The following GLRA2 variants were observed in gnomAD, a reference collection of about 807,000 sequenced individuals.
GLRA2 encodes glycine receptor alpha 2.
In GLRA2, 11 loss-of-function variants were observed where a neutral mutation model predicts 31.6. The ratio of observed to expected loss-of-function variants is 0.35; its 90% CI spans 0.22 to 0.58. The LOEUF is 0.58. GLRA2 is among the 20% of genes least tolerant of loss of function. The pLI is 0.84. For synonymous variants in GLRA2, 132 were observed against 134.0 expected (o/e 0.99, Z 0.10); for missense variants, 212 against 351.8 (o/e 0.60, Z 3.18).
the GLRA2 span, among the ~76,000 whole-genome samples, chrX:14,502,781 T>C: frequency 1.8e-5 from 2 of 108,737 alleles, no homozygotes; most frequent in Non-Finnish European, 3.8e-5. Flanking sequence ...GTTTTCTCTG[T>C]AACGCATATC....
intron 8 of GLRA2, among the ~76,000 whole-genome samples, chrX:14,728,628 T>C (rs183418453): frequency 8.9e-6 from 1 of 111,877 alleles, no homozygotes; most frequent in East Asian, 2.8e-4. Flanking sequence ...TGTTCAGCCA[T>C]GTTTAGGGCT....
At chrX:14,565,649 G>A (rs374071177) in intron 2 of GLRA2, among the ~76,000 whole-genome samples, 4 of 111,490 alleles carry the variant, frequency 3.6e-5, no homozygotes, top group South Asian at 7.4e-4. Flanking sequence ...ATAATAAAAT[G>A]TATCTTTTCC....
intron 6 of GLRA2, among the ~76,000 whole-genome samples, chrX:14,607,867 A>G (rs1316675903): frequency 9.0e-6 from 1 of 111,182 alleles, no homozygotes; most frequent in Non-Finnish European, 1.9e-5. Flanking sequence ...TGGTGAAGGA[A>G]GAACTTGAGG....
intron 2 of GLRA2, among the ~76,000 whole-genome samples, chrX:14,563,275 G>T (rs1238770223): frequency 2.7e-5 from 3 of 112,081 alleles, no homozygotes; most frequent in Non-Finnish European, 5.6e-5. Flanking sequence ...TGTTTGCTTG[G>T]TTGGTTGGTT....
chrX:14,555,689 A>G (rs779209765), intron 2 of GLRA2, among the ~76,000 whole-genome samples: 10 of 112,425 alleles, frequency 8.9e-5, no homozygotes, highest in African/African-American at 3.2e-4. Context: ...GGTTTAGCTT[A>G]AACATTTGAT....
At chrX:14,465,629 G>T in the GLRA2 span, among the ~76,000 whole-genome samples, 70 of 112,174 alleles carry the variant, frequency 6.2e-4, no homozygotes, top group African/African-American at 2.2e-3. Flanking sequence ...CTGATATTCT[G>T]TCCTAGGTGT....
rs377037342 is a variant in GLRA2, at chrX:14,710,374, T to C, written c.1080+19515T>C. Among the ~76,000 whole-genome samples, 6 of 112,168 alleles carry C rather than the reference T, an allele frequency of 5.3e-5. No individual in the cohort carries two copies. The East Asian group carries it at 1.1e-3, about 21-fold the overall frequency. On this transcript the variant is annotated intron_variant, in intron 8 of 8. Transcript: ENST00000218075. ...ATATCATTGCTTGAAGCCTCTAGGC[T>C]ATCAAAACAATATAATAAAGACAGG...
At chrX:14,594,104 C>T (rs1168539613) in intron 4 of GLRA2, among the ~76,000 whole-genome samples, 1 of 111,938 alleles carries the variant, frequency 8.9e-6, no homozygotes, top group Non-Finnish European at 1.9e-5. Flanking sequence ...CAGTAAGTCT[C>T]CATCAGTTAC....
chrX:14,643,452 C>T (rs1025279494), intron 7 of GLRA2, among the ~76,000 whole-genome samples: 2 of 111,422 alleles, frequency 1.8e-5, no homozygotes, highest in Non-Finnish European at 3.8e-5. Flanking sequence ...AATTAAATGG[C>T]CTGAGAAATA....
At chrX:14,686,117 T>C (rs750189543) in intron 7 of GLRA2, among the ~76,000 whole-genome samples, 150 of 111,963 alleles carry the variant, frequency 1.3e-3, no homozygotes, top group Middle Eastern at 4.6e-3. Flanking sequence ...TGTAGTTGTG[T>C]AGTTTTGAGT....
the GLRA2 span, among the ~76,000 whole-genome samples, chrX:14,494,310 G>A: frequency 1.9e-4 from 21 of 111,664 alleles, no homozygotes; most frequent in South Asian, 5.3e-3. Flanking sequence ...TAGTACACTT[G>A]CTTTGTGTGC....
In GLRA2 at chrX:14,574,773, A is replaced by C. The variant is rs758079811; in HGVS notation, c.270+373A>C. The stretch of plus-strand genomic sequence containing the variant: ...GATCTTATATCTATCGTGCCAGAGA[A>C]ATTTTTAAAACATTTGATGTTTTAA... On this transcript the variant is annotated intron_variant, in intron 3 of 8. Transcript: ENST00000218075. Among the ~76,000 whole-genome samples the C allele has an allele frequency of 1.3e-3, 146 of 112,084 alleles. 1 individual carries two copies. The highest frequency in any genetic ancestry group is 4.7e-3 in the African/African-American group (144 of 30,875).
At chrX:14,647,745 G>A (rs1167840477) in intron 7 of GLRA2, among the ~76,000 whole-genome samples, 1 of 112,421 alleles carries the variant, frequency 8.9e-6, no homozygotes, top group Admixed American at 9.4e-5. Context: ...CATAAAAGTG[G>A]TGGCTTTTGA....
the GLRA2 span, among the ~76,000 whole-genome samples, chrX:14,507,686 A>ATTTTTTTTTTTTT: frequency 1.8e-5 from 1 of 56,047 alleles, no homozygotes; most frequent in Non-Finnish European, 3.9e-5. Context: ...TACGAAAGAC[A>ATTTTTTTTTTTTT]TTCTTTTTTT....
intron 6 of GLRA2, among the ~76,000 whole-genome samples, chrX:14,608,612 AT>A (rs1024815028): frequency 3.6e-5 from 4 of 110,300 alleles, no homozygotes; most frequent in Admixed American, 9.8e-5. Flanking sequence ...ATAACATATT[AT>A]AACCCCCCAA....
At chrX:14,545,074 C>A in intron 2 of GLRA2, among the ~76,000 whole-genome samples, 1 of 111,970 alleles carries the variant, frequency 8.9e-6, no homozygotes, top group Non-Finnish European at 1.9e-5. Flanking sequence ...TTATTTGAGA[C>A]AAAGTATCCA....
the GLRA2 span, among the ~76,000 whole-genome samples, chrX:14,461,593 C>T: frequency 9.0e-6 from 1 of 111,674 alleles, no homozygotes; most frequent in African/African-American, 3.3e-5. Context: ...ATCCCTTTAC[C>T]ATTATGTAAT....
upstream of GLRA2, among the ~76,000 whole-genome samples, chrX:14,524,757 TG>T (rs201138366): frequency 5.1e-3 from 562 of 111,085 alleles, 4 homozygotes; most frequent in African/African-American, 0.017. Context: ...TGTGTGTGTG[TG>T]TGTGTGTGTA....
rs1449879160 is a variant in GLRA2, at chrX:14,681,906, A to AT, written c.931-8804_931-8803insT. 3.8e-3 allele frequency among the ~76,000 whole-genome samples: 148 copies of AT among 39,320 alleles called. 1 individual carries two copies. The highest frequency in any genetic ancestry group is 0.015 in the South Asian group (17 of 1,153). 34.1% of individuals were successfully genotyped at this position (39,320 alleles called of 115,157 possible). On this transcript the variant is annotated intron_variant, in intron 7 of 8. Transcript: ENST00000218075. Reference sequence around the variant, plus strand: ...GACACCATCTCAAAAAAAAAAAAAAAAAAAATATATATATATATATATATG... The same window carrying AT: ...GACACCATCTCAAAAAAAAAAAAAAATAAAAATATATATATATATATATATG...
Sources: gnomAD v4.1 joint callset for allele counts (sites outside exome capture counted in the v4.1 genomes callset) on GRCh38, gnomAD v4.1.1 for gene constraint, MANE v1.5 for transcripts, NCBI Gene and HGNC (gene_info 2026-07-23, HGNC 2026-07-21) for gene names.